ZFHX3: variants seen among roughly 807,000 people sequenced by gnomAD.
The protein encoded by ZFHX3 is zinc finger homeobox 3.
Under a neutral mutation model 279.1 loss-of-function variants are expected in ZFHX3, and 42 were observed. The observed-to-expected ratio is 0.15, with a 90% CI of 0.12 to 0.19. ZFHX3 has a LOEUF of 0.19. Ranked by LOEUF, ZFHX3 falls within the 10% of genes least tolerant of loss-of-function variation. The pLI is 1.00. For missense variants in ZFHX3, 4,981 were observed against 4,754.0 expected (o/e 1.05, Z -1.40); for synonymous variants, 2,293 against 1,957.8 (o/e 1.17, Z -4.52).
At chr16:73,337,633 T>C (rs1254433437) in intron 3 of ZFHX3, among the ~76,000 whole-genome samples, 7 of 151,954 alleles carry the variant, frequency 4.6e-5, no homozygotes, top group African/African-American at 1.4e-4. Context: ...GCCATTACTC[T>C]TGATGACTTC....
chr16:73,654,731 G>T (rs576682226), intron 2 of ZFHX3, among the ~76,000 whole-genome samples: 25 of 150,904 alleles, frequency 1.7e-4, no homozygotes, highest in Middle Eastern at 3.4e-3. Context: ...TCAATAAGAG[G>T]CAAAAAATTG....
At chr16:73,526,095 A>G (rs1388312128) in intron 2 of ZFHX3, among the ~76,000 whole-genome samples, 1 of 152,220 alleles carries the variant, frequency 6.6e-6, no homozygotes, top group East Asian at 1.9e-4. Context: ...CCGGCACACA[A>G]TCCATTCTTG....
chr16:72,886,861 C>T (rs1024913033), intron 4 of ZFHX3, among the ~76,000 whole-genome samples: 4 of 152,202 alleles, frequency 2.6e-5, no homozygotes, highest in Non-Finnish European at 1.5e-5. Context: ...CCATCCTCGT[C>T]CCTTACTCCT....
chr16:73,091,118 A>G (rs1185060342), intron 8 of ZFHX3, among the ~76,000 whole-genome samples: 1 of 151,546 alleles, frequency 6.6e-6, no homozygotes, highest in Non-Finnish European at 1.5e-5. Flanking sequence ...GGCTGAGGCA[A>G]AAGAATGGCA....
intron 1 of ZFHX3, among the ~76,000 whole-genome samples, chr16:73,864,548 G>A (rs1597149269): frequency 6.6e-6 from 1 of 152,128 alleles, no homozygotes; most frequent in Non-Finnish European, 1.5e-5. Context: ...GTGAAACCCT[G>A]TCTCTACTGG....
chr16:72,889,723 C>T lies in ZFHX3; in HGVS notation c.3448+8G>A. The T allele has an allele frequency of 6.2e-7, 1 of 1,611,228 alleles. No homozygotes were observed. The highest frequency in any genetic ancestry group is 8.5e-7 in the Non-Finnish European group (1 of 1,179,414). ...ACCTGGGCCTCCCATGCCTGTGAGA[C>T]CACTCACCTGGGTCCGTGGAGGGGC... On this transcript the variant is annotated splice_region_variant and intron_variant, in intron 4 of 9. Transcript: ENST00000268489.
intron 3 of ZFHX3, among the ~76,000 whole-genome samples, chr16:72,915,885 T>C (rs1480105616): frequency 2.0e-5 from 3 of 152,264 alleles, no homozygotes; most frequent in Non-Finnish European, 4.4e-5. Flanking sequence ...CAGGCACAGT[T>C]CCAACGCCCA....
intron 4 of ZFHX3, among the ~76,000 whole-genome samples, chr16:72,838,259 T>C (rs1312598380): frequency 1.3e-5 from 2 of 152,212 alleles, no homozygotes; most frequent in Non-Finnish European, 2.9e-5. Flanking sequence ...ATTTATGCTT[T>C]TGTATATTTG....
chr16:72,980,177 C>T (rs865892282), intron 1 of ZFHX3, among the ~76,000 whole-genome samples: 2 of 152,134 alleles, frequency 1.3e-5, no homozygotes, highest in African/African-American at 4.8e-5. Flanking sequence ...AGAGCTAGGA[C>T]GAAGACCTGG....
chr16:73,700,040 T>C (rs772128362), intron 1 of ZFHX3, among the ~76,000 whole-genome samples: 1 of 152,044 alleles, frequency 6.6e-6, no homozygotes, highest in African/African-American at 2.4e-5. Context: ...CTGGGTGACA[T>C]AGTGAGACCC....
intron 6 of ZFHX3, among the ~76,000 whole-genome samples, chr16:73,136,550 C>G (rs915194256): frequency 1.3e-5 from 2 of 151,410 alleles, no homozygotes; most frequent in African/African-American, 2.4e-5. Context: ...ATGGTGAAAC[C>G]TCGTCTCTAC....
At position 72,788,085 on chromosome 16, in the gene ZFHX3, T is replaced by G; in HGVS notation, c.10191A>C (p.Lys3397Asn). 2 of 1,612,082 alleles carry G rather than the reference T, an allele frequency of 1.2e-6. No individual in the cohort carries two copies. Among genetic ancestry groups the G allele is most frequent in the Non-Finnish European group, 1.7e-6 (2 of 1,179,828 alleles). Reference sequence around the variant, plus strand: ...CGGGGGGGACTGGGGTTTGGCTTGCTTTGGGCTGCTGCTGCTGCACTTTTT... The same window carrying G: ...CGGGGGGGACTGGGGTTTGGCTTGCGTTGGGCTGCTGCTGCTGCACTTTTT... ...QQQKVQQQQP[K>N]ASQTPVPPGA... is the part of the protein sequence containing the mutation. Residue 3397 changes from lysine (K) to asparagine (N), a missense_variant, in exon 10 of 10, where the codon AAA (lysine) becomes AAC (asparagine). By Grantham distance (94) the Lys-to-Asn change is moderately conservative. Transcript: ENST00000268489.
At chr16:73,631,214 C>G (rs2052465720) in intron 2 of ZFHX3, among the ~76,000 whole-genome samples, 1 of 152,156 alleles carries the variant, frequency 6.6e-6, no homozygotes, top group African/African-American at 2.4e-5. Context: ...TATGTAAAGG[C>G]TCTGAAACTA....
intron 1 of ZFHX3, among the ~76,000 whole-genome samples, chr16:73,845,031 G>A (rs1245075525): frequency 6.6e-6 from 1 of 152,112 alleles, no homozygotes; most frequent in Non-Finnish European, 1.5e-5. Context: ...GGAAGAGGTG[G>A]TAGGAGCTCC....
chr16:72,922,595 C>T (rs2144246088), intron 3 of ZFHX3, among the ~76,000 whole-genome samples: 1 of 152,286 alleles, frequency 6.6e-6, no homozygotes, highest in Non-Finnish European at 1.5e-5. Flanking sequence ...CAGCCAGTAC[C>T]ACACGAACCT....
chr16:72,797,193 C>T lies in ZFHX3; in HGVS notation c.5489G>A (p.Gly1830Asp), dbSNP rs757636909. The T allele has an allele frequency of 2.5e-6, 4 of 1,613,900 alleles. No individual in the cohort carries two copies. The African/African-American group carries it at 5.3e-5, about 22-fold the overall frequency. ...GALTLTGTGP[G>D]LLEDLKAQVQ... is the part of the protein sequence containing the mutation. ...CTGAGCCTTCAGATCTTCCAGCAGG[C>T]CTGGGCCTGTCCCAGTCAGTGTCAG... The change falls in exon 9 of 10, where the codon GGC becomes GAC. Residue 1830 changes from glycine to aspartate, a missense_variant. Physicochemically the swap from Gly to Asp is moderately conservative, Grantham distance 94. Around this residue, in one of 7 missense-constraint regions of ZFHX3, gnomAD observed 1,751 missense variants for 1,770.0 expected, o/e 0.99. Transcript: ENST00000268489.
intron 1 of ZFHX3, among the ~76,000 whole-genome samples, chr16:73,741,081 G>C (rs932073719): frequency 7.0e-6 from 1 of 142,880 alleles, no homozygotes; most frequent in African/African-American, 2.6e-5. Flanking sequence ...GCCCAGGCTG[G>C]AGTGCAGTGA....
rs377089858 is a variant in ZFHX3 at position 73,440,550 on chromosome 16, T to C, written c.-1291+15453A>G. ...TTTGTGTTAATTTCATCAGCTTCATTTCTGACAGATTGAGAGTTGGATTTG... is the reference window on the plus strand; with the variant it reads ...TTTGTGTTAATTTCATCAGCTTCATCTCTGACAGATTGAGAGTTGGATTTG... On this transcript the variant is annotated intron_variant, in intron 3 of 17. Transcript: ENST00000641206. 7.9e-5 allele frequency among the ~76,000 whole-genome samples: 12 copies of C among 152,320 alleles called. No homozygotes were observed. In the East Asian group the frequency reaches 9.6e-4, roughly 12 times the overall value.
intron 2 of ZFHX3, among the ~76,000 whole-genome samples, chr16:72,955,677 C>T (rs1175823126): frequency 6.6e-6 from 1 of 150,656 alleles, no homozygotes; most frequent in Non-Finnish European, 1.5e-5. Flanking sequence ...ACTTGGGAGG[C>T]TCTGGCAGGA....
Sources: allele counts gnomAD v4.1 joint callset (sites outside exome capture counted in the v4.1 genomes callset), GRCh38; gene constraint gnomAD v4.1.1; regional missense constraint gnomAD v4.1.1; transcripts MANE v1.5; gene names NCBI Gene and HGNC (gene_info 2026-07-23, HGNC 2026-07-21).